ITSN1: variants seen among roughly 807,000 people sequenced by gnomAD.
ITSN1 encodes intersectin 1.
In ITSN1, 58 loss-of-function variants were observed where a neutral mutation model predicts 239.8. The observed-to-expected ratio is 0.24, with a 90% CI of 0.20 to 0.30. ITSN1 has a LOEUF of 0.30. ITSN1 is among the 10% of genes least tolerant of loss of function. The pLI is 1.00. For synonymous variants in ITSN1, 780 were observed against 770.8 expected (o/e 1.01, Z -0.20); for missense variants, 1,558 against 2,103.3 (o/e 0.74, Z 5.07).
At chr21:33,696,316 A>T (rs981035794) in intron 1 of ITSN1, among the ~76,000 whole-genome samples, 1 of 152,094 alleles carries the variant, frequency 6.6e-6, no homozygotes, top group African/African-American at 2.4e-5. Context: ...TTATCTCCTG[A>T]TTGGGCAAAT....
intron 9 of ITSN1, among the ~76,000 whole-genome samples, chr21:33,762,714 A>G (rs2068435278): frequency 6.6e-6 from 1 of 151,698 alleles, no homozygotes; most frequent in African/African-American, 2.4e-5. Context: ...TTTCATCCAG[A>G]TGGCAGTGGT....
intron 5 of ITSN1, 148 bp from the exon 6 acceptor site, chr21:33,749,995 T>A: frequency 1.4e-6 from 1 of 731,118 alleles, no homozygotes; most frequent in South Asian, 1.8e-5. Flanking sequence ...TTTTTGTTAC[T>A]CTTTAAAATG....
At chr21:33,820,758 G>T (rs892619131) in intron 24 of ITSN1, among the ~76,000 whole-genome samples, 1 of 152,056 alleles carries the variant, frequency 6.6e-6, no homozygotes, top group Non-Finnish European at 1.5e-5. Flanking sequence ...TTATCTTAAT[G>T]ACTTTTTATC....
In ITSN1 at chr21:33,797,815, C is replaced by T. The variant is rs1029259734; in HGVS notation, c.2182+207C>T. On this transcript the variant is annotated intron_variant, in intron 18 of 39. Coordinates refer to ENST00000381318, the MANE Select transcript of ITSN1 (RefSeq NM_003024.3). This position sits in a 1 kb window ranked among gnomAD's most constrained non-coding sequence, Gnocchi z 4.9. ...CCCACCACCATGCCAGCCTCTGGCC[C>T]ACGTTACACTGGCATCCACGAGTCC... Among the ~76,000 whole-genome samples, 1 of 151,982 alleles carries T rather than the reference C, an allele frequency of 6.6e-6. No individual in the cohort carries two copies. The highest frequency in any genetic ancestry group is 1.5e-5 in the Non-Finnish European group (1 of 67,998).
Position 33,857,010 on chromosome 21 carries a change from C to T in ITSN1, c.3783+153C>T, listed in dbSNP as rs115476068. ...GGATGGCAAATGCTATAGGAGATTG[C>T]GACCGCAGAGACGGTTCGTTGCTTA... On this transcript the variant is annotated intron_variant, in intron 30 of 39. Transcript: ENST00000381318. Among the ~76,000 whole-genome samples the T allele has an allele frequency of 1.0e-3, 157 of 152,292 alleles. 1 individual carries two copies. Among genetic ancestry groups the T allele is most frequent in the African/African-American group, 3.6e-3 (148 of 41,550 alleles).
At chr21:33,729,431 G>A (rs1406944942) in intron 4 of ITSN1, among the ~76,000 whole-genome samples, 2 of 150,808 alleles carry the variant, frequency 1.3e-5, no homozygotes, top group Non-Finnish European at 2.9e-5. Flanking sequence ...CTGGGCAACA[G>A]AGTGAGACCC....
Position 33,898,605 on chromosome 21 carries a change from C to T in ITSN1, c.*10305C>T, listed in dbSNP as rs992178665. On this transcript the variant is annotated 3_prime_UTR_variant, in exon 40 of 40. Transcript: ENST00000381318. ...GGGGCAACCCCAGGAGTCCAGCCTCCCCTGGCAGCCTGGAAATACTGCAGT... is the reference window on the plus strand; with the variant it reads ...GGGGCAACCCCAGGAGTCCAGCCTCTCCTGGCAGCCTGGAAATACTGCAGT... The T allele has an allele frequency of 6.6e-6, 1 of 152,228 alleles. No individual in the cohort carries two copies. Among genetic ancestry groups the T allele is most frequent in the African/African-American group, 2.4e-5 (1 of 41,444 alleles). The allele number at this position is 152,228 out of a possible 1,614,324, so 9.4% of individuals were successfully genotyped here. A position where few individuals can be genotyped will look rare whatever the true frequency, so the allele number is the denominator to read the frequency against.
At chr21:33,753,431 T>G (rs1171388361) in intron 7 of ITSN1, among the ~76,000 whole-genome samples, 1 of 152,158 alleles carries the variant, frequency 6.6e-6, no homozygotes, top group South Asian at 2.1e-4. Flanking sequence ...AGCTGAGAGT[T>G]AAACCTATAT....
intron 26 of ITSN1, 131 bp from the exon 27 acceptor site, chr21:33,829,493 G>A: frequency 1.1e-6 from 1 of 930,422 alleles, no homozygotes; most frequent in Non-Finnish European, 1.6e-6. Flanking sequence ...CTTACTCGTT[G>A]GGTAGAAATC....
intron 22 of ITSN1, among the ~76,000 whole-genome samples, chr21:33,816,936 A>G (rs1456760241): frequency 2.6e-5 from 4 of 152,192 alleles, no homozygotes; most frequent in African/African-American, 7.2e-5. Flanking sequence ...GCAAGAACCC[A>G]TGAAGACCAG....
chr21:33,865,790 G>A lies in ITSN1; in HGVS notation c.4074+456G>A, dbSNP rs922260320. On this transcript the variant is annotated intron_variant, in intron 32 of 39. Coordinates refer to ENST00000381318, the MANE Select transcript of ITSN1 (RefSeq NM_003024.3). The surrounding 1 kb of genome is among the most constrained non-coding windows in gnomAD (Gnocchi z 4.4). ...AGTTGGTTCTGCTTGATGTGCTCCC[G>A]CCTTAGACAGCCTGTGGGAGTCAGT... 5.9e-5 allele frequency among the ~76,000 whole-genome samples: 9 copies of A among 152,028 alleles called. No homozygotes were observed. Among genetic ancestry groups the A allele is most frequent in the East Asian group, 3.9e-4 (2 of 5,172 alleles).
At chr21:33,689,926 C>T (rs893334843) in intron 1 of ITSN1, among the ~76,000 whole-genome samples, 1 of 149,976 alleles carries the variant, frequency 6.7e-6, no homozygotes, top group African/African-American at 2.5e-5. Context: ...TGAGATTGCA[C>T]CACTGCATTC....
intron 5 of ITSN1, among the ~76,000 whole-genome samples, chr21:33,749,196 C>CAAAAT (rs2067385640): frequency 6.6e-6 from 1 of 151,982 alleles, no homozygotes; most frequent in African/African-American, 2.4e-5. Context: ...TGCTATGTTG[C>CAAAAT]CCTGTCTGGT....
chr21:33,776,339 C>G (rs1168516319), intron 14 of ITSN1, among the ~76,000 whole-genome samples: 1 of 150,070 alleles, frequency 6.7e-6, no homozygotes, highest in South Asian at 2.1e-4. Flanking sequence ...ATTGCTTGAG[C>G]TCAGGAGTTT....
intron 24 of ITSN1, 44 bp from the exon 25 acceptor site, chr21:33,823,443 A>G (rs1602451961): frequency 6.4e-7 from 1 of 1,560,788 alleles, no homozygotes; most frequent in Admixed American, 1.8e-5. Context: ...GGATTTCTTT[A>G]AACAATCAAG....
chr21:33,837,684 C>A, intron 29 of ITSN1: 1 of 985,858 alleles, frequency 1.0e-6, no homozygotes, highest in African/African-American at 1.7e-5. Context: ...TTAGTTCTTT[C>A]CATGGCAAAG....
chr21:33,878,681 C>T (rs545842753), intron 34 of ITSN1, among the ~76,000 whole-genome samples: 9 of 152,342 alleles, frequency 5.9e-5, no homozygotes, highest in Non-Finnish European at 1.2e-4. Context: ...GTGGAAGCAG[C>T]CCCGTGGAAG....
intron 1 of ITSN1, among the ~76,000 whole-genome samples, chr21:33,648,811 A>G (rs1249944772): frequency 2.0e-5 from 3 of 152,154 alleles, no homozygotes; most frequent in Non-Finnish European, 4.4e-5. Flanking sequence ...AGACTGGGCA[A>G]CATAGTGAGA....
At chr21:33,884,991 C>G (rs764097117) in intron 36 of ITSN1, 50 bp from the exon 37 acceptor site, 6 of 1,370,234 alleles carry the variant, frequency 4.4e-6, no homozygotes, top group African/African-American at 2.9e-5. Context: ...AGACCTGAAG[C>G]CTTTTTCCTG....
Sources: gnomAD v4.1 joint callset for allele counts (sites outside exome capture counted in the v4.1 genomes callset) on GRCh38, gnomAD v4.1.1 for gene constraint, Gnocchi (gnomAD v3.1) non-coding constraint, MANE v1.5 for transcripts, NCBI Gene and HGNC (gene_info 2026-07-23, HGNC 2026-07-21) for gene names.